The following DIAPH3 variants were observed in gnomAD, a reference collection of about 807,000 sequenced individuals.
The protein encoded by DIAPH3 is protein diaphanous homolog 3.
Under a neutral mutation model 144.3 loss-of-function variants are expected in DIAPH3, and 117 were observed. The ratio of observed to expected loss-of-function variants is 0.81; its 90% CI spans 0.70 to 0.95. The LOEUF (loss-of-function observed/expected upper bound fraction) is 0.95, where lower values mean the gene tolerates loss of function less well. DIAPH3 is among the 40% of genes least tolerant of loss of function. DIAPH3 has a pLI of 0.00. For synonymous variants in DIAPH3, 519 were observed against 488.9 expected (o/e 1.06, Z -0.81); for missense variants, 1,421 against 1,412.7 (o/e 1.01, Z -0.09).
chr13:59,944,795 G>C (rs975571916), intron 17 of DIAPH3, among the ~76,000 whole-genome samples: 51 of 33,356 alleles, frequency 1.5e-3, no homozygotes, highest in African/African-American at 3.8e-3. Flanking sequence ...TAGAAAAAAA[G>C]GGGGGGGGCT....
chr13:59,752,367 ATTT>A (rs57731997), intron 27 of DIAPH3, among the ~76,000 whole-genome samples: 2 of 139,468 alleles, frequency 1.4e-5, no homozygotes, highest in African/African-American at 2.6e-5. Context: ...AATGTAGTCA[ATTT>A]TTTTTTTTTT....
chr13:59,774,895 A>G (rs1177259091), intron 25 of DIAPH3, 72 bp from the exon 26 acceptor site: 1 of 1,280,846 alleles, frequency 7.8e-7, no homozygotes, highest in African/African-American at 1.5e-5. Context: ...ATATACAAAA[A>G]CTGGTGATGG....
At chr13:59,940,210 A>G (rs1209404794) in intron 17 of DIAPH3, among the ~76,000 whole-genome samples, 1 of 152,166 alleles carries the variant, frequency 6.6e-6, no homozygotes, top group Non-Finnish European at 1.5e-5. Context: ...CTTAAATTGT[A>G]TTAGAAATCT....
intron 1 of DIAPH3, among the ~76,000 whole-genome samples, chr13:60,153,031 T>C (rs1031844983): frequency 3.9e-5 from 6 of 152,146 alleles, no homozygotes; most frequent in African/African-American, 1.4e-4. Flanking sequence ...GTAAGCATAT[T>C]CTGGACATTG....
intron 7 of DIAPH3, among the ~76,000 whole-genome samples, chr13:60,011,237 A>G (rs1319410439): frequency 2.0e-5 from 3 of 152,236 alleles, no homozygotes; most frequent in African/African-American, 7.2e-5. Flanking sequence ...CAGGTTAAGT[A>G]GCCAAATTGA....
At position 60,066,224 on chromosome 13, in the gene DIAPH3, ATTT is replaced by A. The variant is rs543084674; in HGVS notation, c.496-23407_496-23405del. ...AATTCACACTTGCATTAATGGATTA[ATTT>A]TTTTAATAATAATCAATACAACAAT... On this transcript the variant is annotated intron_variant, in intron 4 of 27. Transcript: ENST00000400324. 9.3e-3 allele frequency among the ~76,000 whole-genome samples: 1,408 copies of A among 152,200 alleles called. 16 individuals are homozygous for A. Among genetic ancestry groups the A allele is most frequent in the South Asian group, 0.038 (183 of 4,826 alleles).
chr13:60,014,526 TAC>T (rs886404146), intron 7 of DIAPH3, among the ~76,000 whole-genome samples: 1 of 152,090 alleles, frequency 6.6e-6, no homozygotes, highest in Admixed American at 6.5e-5. Context: ...TGCTTAAAAA[TAC>T]ACAGTTTAAC....
chr13:59,882,301 G>A (rs556014263), intron 20 of DIAPH3, among the ~76,000 whole-genome samples: 10 of 152,150 alleles, frequency 6.6e-5, no homozygotes, highest in African/African-American at 2.2e-4. Flanking sequence ...TGTTGTTCAG[G>A]CTGGTCTCTA....
At chr13:59,873,714 T>G (rs2044426236) in intron 21 of DIAPH3, among the ~76,000 whole-genome samples, 1 of 148,756 alleles carries the variant, frequency 6.7e-6, no homozygotes, top group Admixed American at 6.8e-5. Context: ...TTACCCAGGC[T>G]GGAGTGCAGT....
At chr13:60,019,603 A>G (rs2053872317) in intron 5 of DIAPH3, among the ~76,000 whole-genome samples, 1 of 75,538 alleles carries the variant, frequency 1.3e-5, no homozygotes. Context: ...AAAACTTAAT[A>G]AAAATTAAAA....
chr13:59,772,242 T>C (rs2038162257), intron 27 of DIAPH3, among the ~76,000 whole-genome samples: 1 of 152,204 alleles, frequency 6.6e-6, no homozygotes, highest in Admixed American at 6.5e-5. Context: ...AACCAAATCC[T>C]GCATTTTTGA....
chr13:59,734,244 T>A (rs1478007766), intron 27 of DIAPH3, among the ~76,000 whole-genome samples: 2 of 152,126 alleles, frequency 1.3e-5, no homozygotes, highest in Admixed American at 6.6e-5. Flanking sequence ...GTAGGAATGA[T>A]ACATAATACG....
chr13:59,807,220 A>ATTCAGAG (rs2040244316), intron 25 of DIAPH3, among the ~76,000 whole-genome samples: 1 of 704 alleles, frequency 1.4e-3, no homozygotes. Context: ...ACTAAGGACC[A>ATTCAGAG]TCATCATCAT....
intron 17 of DIAPH3, among the ~76,000 whole-genome samples, chr13:59,952,214 A>G (rs2049134470): frequency 6.6e-6 from 1 of 152,152 alleles, no homozygotes; most frequent in South Asian, 2.1e-4. Context: ...TATAGGCAGA[A>G]AACAGATTGG....
At chr13:60,052,469 G>C (rs1165001032) in intron 4 of DIAPH3, among the ~76,000 whole-genome samples, 1 of 152,152 alleles carries the variant, frequency 6.6e-6, no homozygotes, top group Non-Finnish European at 1.5e-5. Context: ...AGGGATGATG[G>C]AGGTGGTAGT....
chr13:59,998,007 T>C (rs996065095), intron 9 of DIAPH3, among the ~76,000 whole-genome samples: 7 of 152,152 alleles, frequency 4.6e-5, no homozygotes, highest in Admixed American at 1.3e-4. Context: ...TCCTACCCCA[T>C]AGCAGAAATC....
chr13:59,929,266 G>A (rs2047899390), intron 17 of DIAPH3, among the ~76,000 whole-genome samples: 1 of 151,956 alleles, frequency 6.6e-6, no homozygotes, highest in Admixed American at 6.6e-5. Flanking sequence ...TATATATTTT[G>A]GTACATAGCA....
rs372626054 is a variant in DIAPH3 at position 59,970,924 on chromosome 13, G to A, written c.1887C>T (p.Ile629=). The part of the protein sequence containing the change: ...LGGQNSPPLP[I]LPFGLKPKKE... ...TCTTTGGTTTCAACCCAAATGGCAG[G>A]ATTGGTAGAGGAGGAGAATTTTGTC... The change falls in exon 16 of 28, where the codon ATC becomes ATT. Residue 629 remains isoleucine, a synonymous_variant. Transcript: ENST00000400324. The A allele has an allele frequency of 1.9e-6, 3 of 1,613,850 alleles. No homozygotes were observed. The highest frequency in any genetic ancestry group is 1.7e-4 in the Middle Eastern group (1 of 5,970).
chr13:59,685,687 A>C (rs937663139), intron 27 of DIAPH3, among the ~76,000 whole-genome samples: 1 of 151,952 alleles, frequency 6.6e-6, no homozygotes, highest in Non-Finnish European at 1.5e-5. Flanking sequence ...GAAAGGGGGG[A>C]CTCTCTTGTA....
Sources: allele counts gnomAD v4.1 joint callset (sites outside exome capture counted in the v4.1 genomes callset), GRCh38; gene constraint gnomAD v4.1.1; transcripts MANE v1.5; gene names NCBI Gene and HGNC (gene_info 2026-07-23, HGNC 2026-07-21).